The following NOL11 variants were observed in gnomAD, a reference collection of about 807,000 sequenced individuals.
NOL11 encodes nucleolar protein 11.
In NOL11, 42 loss-of-function variants were observed where a neutral mutation model predicts 93.0. That is an observed-to-expected ratio of 0.45 (90% CI 0.35 to 0.58). NOL11 has a LOEUF of 0.58. NOL11 is among the 20% of genes least tolerant of loss of function. NOL11 has a pLI of 0.00. For missense variants in NOL11, 775 were observed against 841.8 expected, an observed-to-expected ratio of 0.92 and a Z score of 0.98; for synonymous variants, 296 against 293.7, an observed-to-expected ratio of 1.01 and a Z score of -0.08.
rs2055094296 is a variant in NOL11, at chr17:67,726,450, T to C, written c.665-10T>C. On this transcript the variant is annotated splice_polypyrimidine_tract_variant and intron_variant, in intron 6 of 17. Coordinates refer to ENST00000253247, the MANE Select transcript of NOL11 (RefSeq NM_015462.5). ...TTCAATAACCAACAACAAATGCTTG[T>C]TTCCAACAGGCTCTGATGGTTGTAT... is the stretch of plus-strand genomic sequence containing the variant. 1 of 1,599,038 alleles carries C rather than the reference T, an allele frequency of 6.3e-7. No homozygotes were observed. The highest frequency in any genetic ancestry group is 1.3e-5 in the African/African-American group (1 of 74,118).
intron 6 of NOL11, among the ~76,000 whole-genome samples, chr17:67,726,155 C>T (rs2055090028): frequency 6.6e-6 from 1 of 152,150 alleles, no homozygotes; most frequent in African/African-American, 2.4e-5. Flanking sequence ...AGGGATATAT[C>T]CTTTTAGGGA....
intron 1 of NOL11, among the ~76,000 whole-genome samples, chr17:67,718,721 A>G (rs1248001258): frequency 1.3e-5 from 2 of 152,142 alleles, no homozygotes; most frequent in Non-Finnish European, 2.9e-5. Flanking sequence ...TGGTGGTCGC[A>G]TAGAAAGCAG....
At chr17:67,737,221 C>T (rs1599046621) in intron 11 of NOL11, 76 bp downstream of exon 11, 1 of 900,574 alleles carries the variant, frequency 1.1e-6, no homozygotes, top group Non-Finnish European at 1.8e-6. Flanking sequence ...TTCGTTCTGT[C>T]TTATTTTTAT....
intron 1 of NOL11, among the ~76,000 whole-genome samples, chr17:67,718,539 G>A (rs931559310): frequency 6.6e-6 from 1 of 152,132 alleles, no homozygotes; most frequent in African/African-American, 2.4e-5. Flanking sequence ...GACAATTTTA[G>A]AGAGTGAGGG....
rs187629542 is a variant in NOL11 at position 67,731,968 on chromosome 17, A to G, written c.854-2395A>G. 2.8e-3 allele frequency among the ~76,000 whole-genome samples: 432 copies of G among 152,196 alleles called. 6 individuals are homozygous for G. The highest frequency in any genetic ancestry group is 0.013 in the Admixed American group (205 of 15,288). On this transcript the variant is annotated intron_variant, in intron 7 of 17. Coordinates refer to ENST00000253247, the MANE Select transcript of NOL11 (RefSeq NM_015462.5). ...TGTTTAGGCCCCTTACAATTATTCC[A>G]TGTGATTTTGAAGACTGGCTTTTCC... is the stretch of plus-strand genomic sequence containing the variant.
intron 9 of NOL11, among the ~76,000 whole-genome samples, chr17:67,736,406 G>A (rs1311279905): frequency 1.3e-5 from 2 of 152,156 alleles, no homozygotes; most frequent in African/African-American, 2.4e-5. Context: ...TAGGGGCAAT[G>A]GGAGAACCCC....
chr17:67,737,706 T>C lies in NOL11; in HGVS notation c.1403+14T>C. On this transcript the variant is annotated intron_variant, in intron 12 of 17. Transcript: ENST00000253247. ...GCTTTCTTACAGGTAGCTGTTTGTG[T>C]GTACCACACTGTACGTGCATAATTC... 1.2e-6 allele frequency: 2 copies of C among 1,606,842 alleles called. No homozygotes were observed. Among genetic ancestry groups the C allele is most frequent in the East Asian group, 4.5e-5 (2 of 44,844 alleles).
chr17:67,736,154 C>A, intron 9 of NOL11, 131 bp downstream of exon 9: 1 of 850,100 alleles, frequency 1.2e-6, no homozygotes, highest in South Asian at 1.8e-5. Flanking sequence ...TTTATTGAAA[C>A]TTGTGAACAG....
chr17:67,739,553 G>T lies in NOL11; in HGVS notation c.1880G>T (p.Cys627Phe), dbSNP rs1043773549. Residue 627 changes from cysteine to phenylalanine, a missense_variant, in exon 16 of 18, where the codon TGT (cysteine) becomes TTT (phenylalanine). Coordinates refer to ENST00000253247, the MANE Select transcript of NOL11 (RefSeq NM_015462.5). The part of the protein sequence containing the change: ...LKYLYFLYLK[C>F]SENATMTLPG... The stretch of plus-strand genomic sequence containing the variant: ...TATTTGTATTTCCTGTACCTGAAGT[G>T]TAGCGAAAATGCTACTATGACTCTT... 1 of 1,599,948 alleles carries T rather than the reference G, an allele frequency of 6.3e-7. No homozygotes were observed. The highest frequency in any genetic ancestry group is 8.5e-7 in the Non-Finnish European group (1 of 1,175,582).
intron 4 of NOL11, 57 bp downstream of exon 4, chr17:67,721,583 T>G (rs907126485): frequency 1.4e-5 from 21 of 1,466,132 alleles, no homozygotes; most frequent in Non-Finnish European, 1.8e-5. Context: ...TGAACATTTT[T>G]TTGCCTTGTT....
At chr17:67,743,098 T>C (rs576692837) in intron 16 of NOL11, among the ~76,000 whole-genome samples, 1 of 152,020 alleles carries the variant, frequency 6.6e-6, no homozygotes, top group Non-Finnish European at 1.5e-5. Context: ...AAAAAGTAGC[T>C]GGGTATGATG....
chr17:67,740,804 A>C (rs1230413595), intron 16 of NOL11: 2 of 154,610 alleles, frequency 1.3e-5, no homozygotes, highest in Non-Finnish European at 2.9e-5. Flanking sequence ...ACATAGAAGC[A>C]GTAAAAACAA....
At position 67,732,573 on chromosome 17, in the gene NOL11, A is replaced by T. The variant is rs115395155; in HGVS notation, c.854-1790A>T. Among the ~76,000 whole-genome samples the T allele has an allele frequency of 6.0e-3, 897 of 149,272 alleles. 6 individuals carry two copies. Among genetic ancestry groups the T allele is most frequent in the African/African-American group, 0.021 (849 of 39,700 alleles). The stretch of plus-strand genomic sequence containing the variant: ...CATGGAATTATTTTTCTCTTTTTTT[A>T]AAAAAATGTTTTATTTTTGGAGATG... On this transcript the variant is annotated intron_variant, in intron 7 of 17. Coordinates refer to ENST00000253247, the MANE Select transcript of NOL11 (RefSeq NM_015462.5).
At chr17:67,730,105 A>G (rs760892415) in intron 7 of NOL11, among the ~76,000 whole-genome samples, 1 of 152,120 alleles carries the variant, frequency 6.6e-6, no homozygotes, top group Non-Finnish European at 1.5e-5. Flanking sequence ...TTTTCATGGT[A>G]GAGTAATATT....
intron 7 of NOL11, among the ~76,000 whole-genome samples, chr17:67,733,896 T>G (rs1043854108): frequency 6.6e-6 from 1 of 152,168 alleles, no homozygotes; most frequent in African/African-American, 2.4e-5. Flanking sequence ...TTTGTTGGTA[T>G]TTTGATTAGG....
At chr17:67,734,225 C>T (rs2055180312) in intron 7 of NOL11, 138 bp from the exon 8 acceptor site, 1 of 611,036 alleles carries the variant, frequency 1.6e-6, no homozygotes, top group African/African-American at 1.9e-5. Context: ...TCTTCCAGTT[C>T]CTGTGGCAAT....
At chr17:67,729,091 G>T (rs543887210) in intron 7 of NOL11, among the ~76,000 whole-genome samples, 109 of 70,720 alleles carry the variant, frequency 1.5e-3, no homozygotes, top group East Asian at 6.9e-3. Context: ...AGTTTTTTTT[G>T]TTGTTGTTGT....
At chr17:67,720,387 C>T (rs2110111) in intron 3 of NOL11, 122,506 of 151,802 alleles carry the variant, frequency 0.81, 49,951 homozygotes, top group Middle Eastern at 0.88. Flanking sequence ...CTGCAACCTC[C>T]GCCTCCTGGG....
rs1427324564 is a variant in NOL11, at chr17:67,744,175, T to G, written c.*316T>G. ...TATCATGTGTTTTGAATTTTTTCTT[T>G]TAATAAAAAATGACCATTGAAGCAG... On this transcript the variant is annotated 3_prime_UTR_variant, in exon 18 of 18. Transcript: ENST00000253247. 6.4e-6 allele frequency: 1 copy of G among 157,222 alleles called. No homozygotes were observed. The highest frequency in any genetic ancestry group is 1.4e-5 in the Non-Finnish European group (1 of 71,506). The allele number at this position is 157,222 out of a possible 1,614,324, so 9.7% of individuals were successfully genotyped here. A position where few individuals can be genotyped will look rare whatever the true frequency, so the allele number is the denominator to read the frequency against.
Sources: gnomAD v4.1 joint callset for allele counts (sites outside exome capture counted in the v4.1 genomes callset) on GRCh38, gnomAD v4.1.1 for gene constraint, MANE v1.5 for transcripts, NCBI Gene and HGNC (gene_info 2026-07-23, HGNC 2026-07-21) for gene names.